Variants in TMC6 observed in about 807,000 individuals in gnomAD.
TMC6 encodes the protein transmembrane channel-like protein 6.
In TMC6, 71 loss-of-function variants were observed where a neutral mutation model predicts 95.4. The observed-to-expected ratio is 0.74, with a 90% CI of 0.61 to 0.91. The LOEUF (loss-of-function observed/expected upper bound fraction) is 0.91, where lower values mean the gene tolerates loss of function less well. TMC6 is among the 40% of genes least tolerant of loss of function. The pLI, the probability that TMC6 is intolerant of heterozygous loss-of-function variation, is 0.00. For synonymous variants in TMC6, 514 were observed against 483.1 expected (o/e 1.06, Z -0.84); for missense variants, 1,074 against 1,079.1 (o/e 1.00, Z 0.07).
At chr17:78,118,080 A>G in intron 15 of TMC6, 145 bp from the exon 16 acceptor site, 2 of 1,380,394 alleles carry the variant, frequency 1.4e-6, no homozygotes, top group Non-Finnish European at 1.9e-6. Context: ...CCTCATTTAC[A>G]GAGGAAGACA....
At position 78,124,526 on chromosome 17, in the gene TMC6, C is replaced by G. The variant is rs750652637; in HGVS notation, c.889G>C (p.Ala297Pro). ...VCTGLELLTGAGCFTHTVMYY... is the reference protein window; with the variant it reads ...VCTGLELLTGPGCFTHTVMYY... ...CCCCAGTCCTAGGGCTTCCTCACCG[C>G]GCCTGTGAGGAGCTCCAGGCCTGTG... The change falls in exon 8 of 20, where the codon GCG (alanine) becomes CCG (proline). Residue 297 changes from alanine (A) to proline (P), a missense_variant and splice_region_variant. Physicochemically the swap from Ala to Pro is conservative, Grantham distance 27. Transcript: ENST00000590602. The G allele has an allele frequency of 6.2e-7, 1 of 1,610,364 alleles. No individual in the cohort carries two copies. Among genetic ancestry groups the G allele is most frequent in the Admixed American group, 1.7e-5 (1 of 59,978 alleles).
intron 18 of TMC6, among the ~76,000 whole-genome samples, chr17:78,115,638 G>GA (rs1243501986): frequency 1.5e-4 from 23 of 151,406 alleles, no homozygotes; most frequent in South Asian, 2.1e-4. Flanking sequence ...GTGGGCACAG[G>GA]GGCGAAGGGA....
chr17:78,127,131 G>T, intron 1 of TMC6: 1 of 558,086 alleles, frequency 1.8e-6, no homozygotes, highest in Non-Finnish European at 3.2e-6. Flanking sequence ...GAGGAAGGAA[G>T]GGTGTGGGGT....
At position 78,107,553 on chromosome 17, in the gene TMC6, C is replaced by G. The variant is rs1248396886; in HGVS notation, c.*5595G>C. On this transcript the variant is annotated 3_prime_UTR_variant, in exon 20 of 20. Coordinates refer to ENST00000590602, the MANE Select transcript of TMC6 (RefSeq NM_001127198.5). ...AGCTGTCCCGCTGCATGCGTTCCCT[C>G]TGTAATTTCCTCAGAGCTCACATAC... is the stretch of plus-strand genomic sequence containing the variant. 6.6e-6 allele frequency: 1 copy of G among 152,276 alleles called. No individual in the cohort carries two copies. Among genetic ancestry groups the G allele is most frequent in the Non-Finnish European group, 1.5e-5 (1 of 68,054 alleles). 9.4% of individuals were successfully genotyped at this position (152,276 alleles called of 1,614,324 possible).
At chr17:78,120,579 AG>A in intron 13 of TMC6, 73 bp downstream of exon 13, 3 of 1,606,628 alleles carry the variant, frequency 1.9e-6, no homozygotes, top group Non-Finnish European at 2.6e-6. Context: ...TCCAGGCCTG[AG>A]AACCTCCCGG....
Position 78,112,141 on chromosome 17 carries a change from G to A in TMC6, c.*1007C>T. 1 of 222,234 alleles carries A rather than the reference G, an allele frequency of 4.5e-6. No homozygotes were observed. Among genetic ancestry groups the A allele is most frequent in the South Asian group, 3.9e-5 (1 of 25,898 alleles). The allele number at this position is 222,234 out of a possible 1,614,324, so 13.8% of individuals were successfully genotyped here. A position where few individuals can be genotyped will look rare whatever the true frequency, so the allele number is the denominator to read the frequency against. ...CTGACGGGCTGGTTCCTGCAGGCCT[G>A]GAGCACAGGCTGACGGGCTGGTCCC... is the stretch of plus-strand genomic sequence containing the variant. On this transcript the variant is annotated 3_prime_UTR_variant, in exon 20 of 20. Coordinates refer to ENST00000590602, the MANE Select transcript of TMC6 (RefSeq NM_001127198.5).
intron 18 of TMC6, chr17:78,113,888 C>T: frequency 2.0e-6 from 1 of 493,336 alleles, no homozygotes; most frequent in Non-Finnish European, 3.7e-6. Flanking sequence ...GCCAGCCTGA[C>T]TCAATTTAAA....
At chr17:78,127,384 AG>A (rs2145445602) in intron 1 of TMC6, among the ~76,000 whole-genome samples, 1 of 152,292 alleles carries the variant, frequency 6.6e-6, no homozygotes, top group South Asian at 2.1e-4. Flanking sequence ...AACCAGCCCC[AG>A]GCGGAAGCAG....
Position 78,109,764 on chromosome 17 carries a change from T to G in TMC6, c.*3384A>C. 2.9e-6 allele frequency: 1 copy of G among 346,074 alleles called. No homozygotes were observed. The highest frequency in any genetic ancestry group is 7.9e-5 in the East Asian group (1 of 12,668). The allele number at this position is 346,074 out of a possible 1,614,324, so 21.4% of individuals were successfully genotyped here. ...TTGGCCCATTAGAATTACCTGAAAATTTTTAAGATAATTCACATCCGGCCA... is the reference window on the plus strand; with the variant it reads ...TTGGCCCATTAGAATTACCTGAAAAGTTTTAAGATAATTCACATCCGGCCA... On this transcript the variant is annotated 3_prime_UTR_variant, in exon 20 of 20. Transcript: ENST00000590602.
chr17:78,127,005 GC>G, intron 1 of TMC6, 99 bp from the exon 2 acceptor site: 1 of 747,080 alleles, frequency 1.3e-6, no homozygotes. Flanking sequence ...GCCACTCACA[GC>G]CCAGACAGTC....
At position 78,112,764 on chromosome 17, in the gene TMC6, C is replaced by T. The variant is rs1228977290; in HGVS notation, c.*384G>A. On this transcript the variant is annotated 3_prime_UTR_variant, in exon 20 of 20. Coordinates refer to ENST00000590602, the MANE Select transcript of TMC6 (RefSeq NM_001127198.5). Reference sequence around the variant, plus strand: ...GCAGCAAGCGAATCAAGCCCTGGCGCGGTCCAGCCCCTGCCATCTGGGGCT... The same window carrying T: ...GCAGCAAGCGAATCAAGCCCTGGCGTGGTCCAGCCCCTGCCATCTGGGGCT... The T allele has an allele frequency of 1.3e-5, 4 of 319,576 alleles. No individual in the cohort carries two copies. The highest frequency in any genetic ancestry group is 4.0e-5 in the South Asian group (1 of 25,194). 19.8% of individuals were successfully genotyped at this position (319,576 alleles called of 1,614,324 possible). A position where few individuals can be genotyped will look rare whatever the true frequency, so the allele number is the denominator to read the frequency against.
intron 9 of TMC6, 36 bp downstream of exon 9, chr17:78,123,953 G>A (rs1291152710): frequency 6.2e-7 from 1 of 1,610,694 alleles, no homozygotes; most frequent in Non-Finnish European, 8.5e-7. Flanking sequence ...TGGATGAGTG[G>A]AGCTCGGAGC....
In TMC6 at chr17:78,109,536, C is replaced by G; in HGVS notation, c.*3612G>C. On this transcript the variant is annotated 3_prime_UTR_variant, in exon 20 of 20. Coordinates refer to ENST00000590602, the MANE Select transcript of TMC6 (RefSeq NM_001127198.5). The stretch of plus-strand genomic sequence containing the variant: ...GAAGCAGACACTCAGGAGGCTGAGG[C>G]GGGAGGATCACCTGAGCCCAGGAGG... 2.2e-6 allele frequency: 1 copy of G among 456,532 alleles called. No individual in the cohort carries two copies. Among genetic ancestry groups the G allele is most frequent in the Non-Finnish European group, 4.4e-6 (1 of 226,950 alleles). The allele number at this position is 456,532 out of a possible 1,614,324, so 28.3% of individuals were successfully genotyped here.
At chr17:78,131,596 TG>T, upstream of TMC6, 1 of 1,546,366 alleles carries the variant, frequency 6.5e-7, no homozygotes, top group Non-Finnish European at 8.7e-7. Context: ...GAGATGCTGC[TG>T]CCGCGGTCGG....
chr17:78,117,085 T>C (rs1446448318), intron 18 of TMC6, among the ~76,000 whole-genome samples, 184 bp downstream of exon 18: 1 of 151,940 alleles, frequency 6.6e-6, no homozygotes, highest in Non-Finnish European at 1.5e-5. Flanking sequence ...GGAGCCTGGC[T>C]CTGTCTCACG....
At chr17:78,127,051 G>A in intron 1 of TMC6, 145 bp from the exon 2 acceptor site, 1 of 628,712 alleles carries the variant, frequency 1.6e-6, no homozygotes, top group Non-Finnish European at 2.8e-6. Context: ...GTACATAAAT[G>A]GTGAGGCACC....
Position 78,126,557 on chromosome 17 carries a change from G to A in TMC6, c.148C>T (p.Leu50=). The A allele has an allele frequency of 6.2e-7, 1 of 1,613,708 alleles. No homozygotes were observed. The highest frequency in any genetic ancestry group is 8.5e-7 in the Non-Finnish European group (1 of 1,179,986). ...EQSQCTAQEG[L]ELQQREREVT... is the part of the protein sequence containing the mutation. ...TCCCGCTCTCTCTGCTGCAGCTCCA[G>A]CCCCTCCTGGGCCGTGCACTGGCTC... The change falls in exon 3 of 20, where the codon CTG becomes TTG. Residue 50 remains leucine (L), a synonymous_variant. Transcript: ENST00000590602.
rs376036264 is a variant in TMC6 at position 78,117,367 on chromosome 17, G to A, written c.2199-20C>T. On this transcript the variant is annotated intron_variant, in intron 17 of 19. Transcript: ENST00000590602. ...ACGGCCCTGCGGGAGAGGGGCTGTC[G>A]GGCAGGGCCCAGGGCCACAGCCCGG... 174 of 1,612,938 alleles carry A rather than the reference G, an allele frequency of 1.1e-4. No individual in the cohort carries two copies. Among genetic ancestry groups the A allele is most frequent in the African/African-American group, 2.0e-4 (15 of 75,028 alleles).
Position 78,118,951 on chromosome 17 carries a change from C to G in TMC6, c.1887+20G>C. On this transcript the variant is annotated intron_variant, in intron 15 of 19. Coordinates refer to ENST00000590602, the MANE Select transcript of TMC6 (RefSeq NM_001127198.5). ...GGCCACCCTGCCAGCCCAGCCCTCC[C>G]CAGGCCTTGGCAGCCTCACCTTCTT... 5 of 1,582,178 alleles carry G rather than the reference C, an allele frequency of 3.2e-6. No homozygotes were observed. Among genetic ancestry groups the G allele is most frequent in the South Asian group, 1.2e-5 (1 of 86,888 alleles).
Sources: allele counts gnomAD v4.1 joint callset (sites outside exome capture counted in the v4.1 genomes callset), GRCh38; gene constraint gnomAD v4.1.1; transcripts MANE v1.5; gene names NCBI Gene and HGNC (gene_info 2026-07-23, HGNC 2026-07-21).